Variants in DGKI observed in about 807,000 individuals in gnomAD.
DGKI encodes the protein DAG kinase iota.
DGKI carries 55 observed loss-of-function variants against 147.5 expected under a neutral mutation model. The observed-to-expected ratio is 0.37, with a 90% CI of 0.30 to 0.47. The LOEUF is 0.47. Ranked by LOEUF, DGKI falls within the 20% of genes least tolerant of loss-of-function variation. The pLI is 1.00. For missense variants in DGKI, 1,007 were observed against 1,323.8 expected (o/e 0.76, Z 3.71); for synonymous variants, 469 against 477.1 (o/e 0.98, Z 0.22).
At chr7:137,665,596 T>C (rs768410435) in intron 3 of DGKI, among the ~76,000 whole-genome samples, 5 of 152,196 alleles carry the variant, frequency 3.3e-5, no homozygotes, top group African/African-American at 4.8e-5. Flanking sequence ...GAAGTGTTTA[T>C]GTTGATGTTC....
intron 1 of DGKI, among the ~76,000 whole-genome samples, chr7:137,810,889 G>A (rs907587066): frequency 1.3e-5 from 2 of 152,090 alleles, no homozygotes; most frequent in African/African-American, 2.4e-5. Flanking sequence ...CCTACCATGC[G>A]CCAGAATATT....
intron 30 of DGKI, among the ~76,000 whole-genome samples, chr7:137,407,306 T>C (rs1811992490): frequency 2.0e-5 from 3 of 152,334 alleles, no homozygotes; most frequent in South Asian, 4.1e-4. Flanking sequence ...TGGCACCAAC[T>C]ATTAGAAATC....
intron 20 of DGKI, among the ~76,000 whole-genome samples, chr7:137,545,061 G>A (rs569682886): frequency 2.3e-4 from 35 of 152,318 alleles, no homozygotes; most frequent in African/African-American, 8.2e-4. Flanking sequence ...CAGACTGCCT[G>A]AGTCTGAATC....
At chr7:137,722,728 A>T in intron 1 of DGKI, 1 of 1,579,538 alleles carries the variant, frequency 6.3e-7, no homozygotes, top group Non-Finnish European at 8.7e-7. Flanking sequence ...GCAGTGCAAG[A>T]TTGAGCAGAA....
At chr7:137,483,788 A>G (rs1815455654) in intron 23 of DGKI, among the ~76,000 whole-genome samples, 1 of 152,028 alleles carries the variant, frequency 6.6e-6, no homozygotes, top group African/African-American at 2.4e-5. Flanking sequence ...ATTCCTTTTT[A>G]TGGCTGCATA....
Position 137,465,960 on chromosome 7 carries a change from G to A in DGKI, c.2560C>T (p.Pro854Ser). The change falls in exon 26 of 33, where the codon CCG (proline) becomes TCG (serine). Residue 854 changes from proline to serine, a missense_variant. Pro to Ser is a moderately conservative substitution (Grantham distance 74). Around this residue, in one of 5 missense-constraint regions of DGKI, gnomAD observed 385 missense variants for 445.2 expected, o/e 0.86. Transcript: ENST00000614521. ...ILDPDMVVSQ[P>S]AGTPPGMPDL... is the part of the protein sequence containing the mutation. ...GGCATGCCCGGAGGTGTCCCCGCCG[G>A]CTGTGACACCACCATATCTGGGTCC... The A allele has an allele frequency of 6.2e-7, 1 of 1,614,156 alleles. No homozygotes were observed. The highest frequency in any genetic ancestry group is 8.5e-7 in the Non-Finnish European group (1 of 1,180,000).
At chr7:137,442,106 C>G (rs992494135) in intron 28 of DGKI, among the ~76,000 whole-genome samples, 17 of 151,986 alleles carry the variant, frequency 1.1e-4, no homozygotes, top group African/African-American at 4.1e-4. Context: ...GCATTATGTA[C>G]TTGAACTATT....
intron 23 of DGKI, among the ~76,000 whole-genome samples, chr7:137,484,956 A>G (rs1815502188): frequency 6.6e-6 from 1 of 152,062 alleles, no homozygotes; most frequent in African/African-American, 2.4e-5. Context: ...CAGAGGTAAA[A>G]TTGACAGGAA....
chr7:137,662,489 T>C (rs1235730223), intron 3 of DGKI, among the ~76,000 whole-genome samples: 1 of 151,690 alleles, frequency 6.6e-6, no homozygotes, highest in African/African-American at 2.4e-5. Context: ...GTGATCCACC[T>C]GCCTTGGCCT....
intron 1 of DGKI, among the ~76,000 whole-genome samples, chr7:137,791,793 T>C (rs1585498217): frequency 6.6e-6 from 1 of 152,118 alleles, no homozygotes; most frequent in Non-Finnish European, 1.5e-5. Flanking sequence ...TAGGGGTGGG[T>C]GAAGAAATGT....
chr7:137,628,413 AAC>A (rs908894751), intron 6 of DGKI, among the ~76,000 whole-genome samples: 3 of 152,340 alleles, frequency 2.0e-5, no homozygotes, highest in African/African-American at 7.2e-5. Flanking sequence ...CTTATCATCT[AAC>A]ACAGAGACAT....
chr7:137,692,430 A>G (rs1823645357), intron 1 of DGKI, among the ~76,000 whole-genome samples: 1 of 152,226 alleles, frequency 6.6e-6, no homozygotes, highest in Non-Finnish European at 1.5e-5. Flanking sequence ...AAAAACACAG[A>G]TCTTTCATTT....
intron 28 of DGKI, among the ~76,000 whole-genome samples, chr7:137,443,631 CAGATTT>C (rs973373460): frequency 6.6e-6 from 1 of 152,196 alleles, no homozygotes; most frequent in African/African-American, 2.4e-5. Flanking sequence ...GCCTTCCTTT[CAGATTT>C]AGAGTGCTCT....
intron 5 of DGKI, among the ~76,000 whole-genome samples, chr7:137,650,922 G>A (rs560113935): frequency 6.6e-6 from 1 of 152,202 alleles, no homozygotes; most frequent in Non-Finnish European, 1.5e-5. Flanking sequence ...ATATCCAAAG[G>A]TGGGGAATAT....
At chr7:137,672,933 A>C (rs536452365) in intron 3 of DGKI, among the ~76,000 whole-genome samples, 3 of 151,986 alleles carry the variant, frequency 2.0e-5, no homozygotes, top group East Asian at 3.9e-4. Flanking sequence ...GCAGGCATGC[A>C]TCACTACCCC....
intron 21 of DGKI, among the ~76,000 whole-genome samples, chr7:137,503,096 A>C (rs150515281): frequency 2.4e-4 from 36 of 152,280 alleles, no homozygotes; most frequent in African/African-American, 8.2e-4. Flanking sequence ...AAGGCTCCCC[A>C]TTCCTCTCCT....
chr7:137,552,428 C>A lies in DGKI; in HGVS notation c.2088G>T (p.Arg696Ser). The A allele has an allele frequency of 1.9e-6, 3 of 1,614,052 alleles. No individual in the cohort carries two copies. Among genetic ancestry groups the A allele is most frequent in the Non-Finnish European group, 2.5e-6 (3 of 1,180,022 alleles). The change falls in exon 20 of 33, where the codon AGG (arginine) becomes AGT (serine). Residue 696 changes from arginine to serine, a missense_variant. Transcript: ENST00000614521. The stretch of plus-strand genomic sequence containing the variant: ...TCTTCTGTACCATGTTGGCCTGATT[C>A]CTCAGGGAGATCCGAATCATAGCTG... Reference protein sequence around the residue: ...LAPAMIRISLRNQANMVQKSK... With the variant: ...LAPAMIRISLSNQANMVQKSK...
intron 1 of DGKI, among the ~76,000 whole-genome samples, chr7:137,785,412 G>A (rs1796638443): frequency 6.6e-6 from 1 of 151,856 alleles, no homozygotes; most frequent in Non-Finnish European, 1.5e-5. Flanking sequence ...AACCCTCCTA[G>A]ATTAAACCAG....
intron 27 of DGKI, among the ~76,000 whole-genome samples, chr7:137,458,307 C>A (rs1270723187): frequency 6.6e-6 from 1 of 152,170 alleles, no homozygotes; most frequent in East Asian, 1.9e-4. Flanking sequence ...GATCGGGTAC[C>A]AGATACCTGC....
Sources: gnomAD v4.1 joint callset for allele counts (sites outside exome capture counted in the v4.1 genomes callset) on GRCh38, gnomAD v4.1.1 for gene constraint, gnomAD v4.1.1 regional missense constraint, MANE v1.5 for transcripts, NCBI Gene and HGNC (gene_info 2026-07-23, HGNC 2026-07-21) for gene names.